COMMD10: variants seen among roughly 807,000 people sequenced by gnomAD.
The protein encoded by COMMD10 is COMM domain-containing protein 10.
Under a neutral mutation model 28.9 loss-of-function variants are expected in COMMD10, and 33 were observed. The ratio of observed to expected loss-of-function variants is 1.14; its 90% CI spans 0.87 to 1.53. The LOEUF (loss-of-function observed/expected upper bound fraction) is 1.53, where lower values mean the gene tolerates loss of function less well. COMMD10 is among the 40% of genes most tolerant of loss of function. The pLI, the probability that COMMD10 is intolerant of heterozygous loss-of-function variation, is 0.00. For synonymous variants in COMMD10, 110 were observed against 81.7 expected (o/e 1.35, Z -1.87); for missense variants, 310 against 233.4 (o/e 1.33, Z -2.14).
chr5:116,134,736 C>G (rs915631272), intron 5 of COMMD10, among the ~76,000 whole-genome samples: 3 of 152,144 alleles, frequency 2.0e-5, no homozygotes, highest in Non-Finnish European at 2.9e-5. Context: ...ATTCTCCTGC[C>G]TCAGCCTCCC....
chr5:116,267,353 T>A (rs1333051501), intron 5 of COMMD10, among the ~76,000 whole-genome samples: 1 of 151,836 alleles, frequency 6.6e-6, no homozygotes, highest in African/African-American at 2.4e-5. Flanking sequence ...TCACAATGGC[T>A]TCAAAGAGAA....
Position 116,091,002 on chromosome 5 carries a change from A to G in COMMD10, c.133-77A>G. ...TAAAGTTCTCATCTCATATACGAAT[A>G]AATGAATCTTCTGTCAAGTATGAAT... On this transcript the variant is annotated intron_variant, in intron 2 of 6. Transcript: ENST00000274458. 5.0e-6 allele frequency: 4 copies of G among 805,898 alleles called. No individual in the cohort carries two copies. In the South Asian group the frequency reaches 7.9e-5, roughly 16 times the overall value. 49.9% of individuals were successfully genotyped at this position (805,898 alleles called of 1,614,324 possible).
At position 116,162,541 on chromosome 5, in the gene COMMD10, A is replaced by T. The variant is rs1170760694; in HGVS notation, c.510+28363A>T. Among the ~76,000 whole-genome samples, 2 of 152,360 alleles carry T rather than the reference A, an allele frequency of 1.3e-5. 1 individual carries two copies. The highest frequency in any genetic ancestry group is 3.9e-4 in the East Asian group (2 of 5,192). On this transcript the variant is annotated intron_variant, in intron 5 of 6. Transcript: ENST00000274458. ...ACTGCTACTACATAGTAGCACATAT[A>T]GATAAGTGATATATCTATATATGTA...
At chr5:116,258,906 C>T (rs544329442) in intron 5 of COMMD10, among the ~76,000 whole-genome samples, 34 of 151,708 alleles carry the variant, frequency 2.2e-4, no homozygotes, top group South Asian at 1.7e-3. Context: ...TTTTTCTACT[C>T]AGTTCCGTTT....
At chr5:116,116,575 G>C (rs1751238731) in intron 4 of COMMD10, among the ~76,000 whole-genome samples, 1 of 152,154 alleles carries the variant, frequency 6.6e-6, no homozygotes, top group Non-Finnish European at 1.5e-5. Flanking sequence ...TTTAGTTTCG[G>C]TATGTTATGT....
intron 5 of COMMD10, among the ~76,000 whole-genome samples, chr5:116,158,028 G>A (rs888024868): frequency 2.0e-5 from 3 of 151,270 alleles, no homozygotes; most frequent in Non-Finnish European, 2.9e-5. Context: ...TTACCTTTTG[G>A]GCTGCCATTT....
intron 3 of COMMD10, among the ~76,000 whole-genome samples, chr5:116,091,595 C>T (rs1036841546): frequency 2.0e-5 from 3 of 152,160 alleles, no homozygotes; most frequent in African/African-American, 4.8e-5. Context: ...CTGATTTAAG[C>T]TCCTATTCAA....
chr5:116,175,713 C>T (rs1260128794), intron 5 of COMMD10, among the ~76,000 whole-genome samples: 1 of 152,092 alleles, frequency 6.6e-6, no homozygotes, highest in East Asian at 1.9e-4. Context: ...GAAATTCTGC[C>T]ATACGTTGCA....
intron 5 of COMMD10, among the ~76,000 whole-genome samples, chr5:116,216,318 A>C (rs912085143): frequency 2.0e-5 from 3 of 152,226 alleles, no homozygotes; most frequent in African/African-American, 7.2e-5. Flanking sequence ...AGAAAAACTC[A>C]TCACACTTAG....
At chr5:116,285,681 G>T (rs945153708) in intron 5 of COMMD10, among the ~76,000 whole-genome samples, 1 of 151,876 alleles carries the variant, frequency 6.6e-6, no homozygotes, top group African/African-American at 2.4e-5. Flanking sequence ...GCTGAACCAT[G>T]CTTGCATTGT....
intron 4 of COMMD10, among the ~76,000 whole-genome samples, chr5:116,109,049 A>G (rs934454406): frequency 1.3e-5 from 2 of 152,098 alleles, no homozygotes; most frequent in East Asian, 1.9e-4. Context: ...AGTCCCAGTG[A>G]GATGAACTGG....
intron 4 of COMMD10, among the ~76,000 whole-genome samples, chr5:116,127,311 C>T (rs888326638): frequency 5.9e-5 from 9 of 152,196 alleles, no homozygotes; most frequent in African/African-American, 1.9e-4. Flanking sequence ...AATAGCAATG[C>T]TTTTACACCT....
chr5:116,245,037 AG>A (rs1214688900), intron 5 of COMMD10, among the ~76,000 whole-genome samples: 1 of 110,058 alleles, frequency 9.1e-6, no homozygotes, highest in African/African-American at 3.0e-5. Flanking sequence ...ACATAAATCC[AG>A]GAGCTGGTTT....
intron 5 of COMMD10, among the ~76,000 whole-genome samples, chr5:116,273,961 G>A (rs1432793927): frequency 6.6e-6 from 1 of 151,548 alleles, no homozygotes; most frequent in Non-Finnish European, 1.5e-5. Context: ...GAGAACTTTA[G>A]ATGATATCAG....
At chr5:116,088,137 G>C (rs2112705850) in intron 2 of COMMD10, among the ~76,000 whole-genome samples, 1 of 152,200 alleles carries the variant, frequency 6.6e-6, no homozygotes, top group East Asian at 1.9e-4. Flanking sequence ...TTCTTTATCA[G>C]GTTATAAAAA....
intron 4 of COMMD10, among the ~76,000 whole-genome samples, chr5:116,111,761 G>C (rs1411965802): frequency 6.6e-6 from 1 of 152,152 alleles, no homozygotes; most frequent in African/African-American, 2.4e-5. Context: ...TTGTTGGATA[G>C]AATGTTCTAT....
At chr5:116,227,193 A>G (rs1434727789) in intron 5 of COMMD10, among the ~76,000 whole-genome samples, 1 of 152,060 alleles carries the variant, frequency 6.6e-6, no homozygotes, top group East Asian at 1.9e-4. Flanking sequence ...CTCGCTTTTA[A>G]CAGAAATTTC....
intron 5 of COMMD10, among the ~76,000 whole-genome samples, chr5:116,174,728 C>T (rs1469798870): frequency 1.3e-5 from 2 of 152,090 alleles, no homozygotes; most frequent in Non-Finnish European, 2.9e-5. Context: ...CTCTTACTTG[C>T]CTATAGTTGT....
At position 116,092,637 on chromosome 5, in the gene COMMD10, G is replaced by C. The variant is rs1129494; in HGVS notation, c.336G>C (p.Thr112=). Reference sequence around the variant, plus strand: ...ACAAAGCTGAAGCATTTGTCAATACGTGGTCTTCTATGGGTCAAGAAACAG... The same window carrying C: ...ACAAAGCTGAAGCATTTGTCAATACCTGGTCTTCTATGGGTCAAGAAACAG... The part of the protein sequence containing the change: ...RQDKAEAFVN[T]WSSMGQETVE... Residue 112 remains threonine, a synonymous_variant, in exon 4 of 7, where the codon ACG becomes ACC. Coordinates refer to ENST00000274458, the MANE Select transcript of COMMD10 (RefSeq NM_016144.4). 5 of 1,611,284 alleles carry C rather than the reference G, an allele frequency of 3.1e-6. No homozygotes were observed. The highest frequency in any genetic ancestry group is 3.4e-6 in the Non-Finnish European group (4 of 1,178,688).
Sources: gnomAD v4.1 joint callset for allele counts (sites outside exome capture counted in the v4.1 genomes callset) on GRCh38, gnomAD v4.1.1 for gene constraint, MANE v1.5 for transcripts, NCBI Gene and HGNC (gene_info 2026-07-23, HGNC 2026-07-21) for gene names.